Variants in CDX1 observed in about 807,000 individuals in gnomAD.
CDX1 encodes the protein homeobox protein CDX-1.
A neutral mutation model predicts 16.9 loss-of-function variants in CDX1; 9 were observed. The ratio of observed to expected loss-of-function variants is 0.53; its 90% CI spans 0.32 to 0.93. CDX1 has a LOEUF of 0.93. CDX1 is among the 40% of genes least tolerant of loss of function. The pLI, the probability that CDX1 is intolerant of heterozygous loss-of-function variation, is 0.04. For missense variants in CDX1, 393 were observed against 386.1 expected, an observed-to-expected ratio of 1.02 and a Z score of -0.15; for synonymous variants, 179 against 179.0, an observed-to-expected ratio of 1.00 and a Z score of 0.00.
Position 150,182,824 on chromosome 5 carries a change from G to C in CDX1, c.502G>C (p.Glu168Gln), listed in dbSNP as rs574805115. Residue 168 changes from glutamate (E) to glutamine (Q), a missense_variant, in exon 2 of 3, where the codon GAG (glutamate) becomes CAG (glutamine). By Grantham distance (29) the Glu-to-Gln change is conservative. Transcript: ENST00000231656. ...GGTCTACACCGACCACCAACGCCTG[G>C]AGCTGGAGAAGGAGTTTCATTACAG... ...RVVYTDHQRL[E>Q]LEKEFHYSRY... 3.7e-6 allele frequency: 6 copies of C among 1,613,350 alleles called. No individual in the cohort carries two copies. In the South Asian group the frequency reaches 5.5e-5, roughly 15 times the overall value.
chr5:150,171,934 G>A (rs1761512794), intron 1 of CDX1, among the ~76,000 whole-genome samples: 1 of 152,240 alleles, frequency 6.6e-6, no homozygotes, highest in African/African-American at 2.4e-5. Flanking sequence ...CCCTGCCGCT[G>A]GCACACAGTA....
At chr5:150,178,675 A>C (rs1370702058) in intron 1 of CDX1, among the ~76,000 whole-genome samples, 1 of 152,022 alleles carries the variant, frequency 6.6e-6, no homozygotes, top group African/African-American at 2.4e-5. Context: ...AGATTTAAAA[A>C]ACCCAAAGTC....
At chr5:150,170,946 G>A (rs889351047) in intron 1 of CDX1, among the ~76,000 whole-genome samples, 99 of 151,992 alleles carry the variant, frequency 6.5e-4, no homozygotes, top group African/African-American at 2.0e-3. Context: ...TCATCCTTCC[G>A]TGGAAGGCTC....
Position 150,167,299 on chromosome 5 carries a change from G to A in CDX1, c.423G>A (p.Ala141=), listed in dbSNP as rs765752415. The A allele has an allele frequency of 2.4e-6, 3 of 1,262,864 alleles. No homozygotes were observed. Among genetic ancestry groups the A allele is most frequent in the Non-Finnish European group, 3.0e-6 (3 of 1,009,592 alleles). 78.2% of individuals were successfully genotyped at this position (1,262,864 alleles called of 1,614,324 possible). ...ACGAGTGGATGCGGCGCAGCGTGGC[G>A]GCCGGAGGCGGCGGTGGCAGCGGTA... ...TPYEWMRRSV[A]AGGGGGSGKT... Residue 141 remains alanine, a synonymous_variant, in exon 1 of 3, where the codon GCG becomes GCA. Coordinates refer to ENST00000231656, the MANE Select transcript of CDX1 (RefSeq NM_001804.3).
intron 1 of CDX1, among the ~76,000 whole-genome samples, chr5:150,176,567 G>A (rs1190039455): frequency 6.6e-6 from 1 of 152,194 alleles, no homozygotes; most frequent in Non-Finnish European, 1.5e-5. Context: ...GTGGCAGGCA[G>A]CAAGGTGGCA....
Position 150,167,013 on chromosome 5 carries a change from C to CCAGCTACT in CDX1, c.139_146dup (p.His50AlafsTer152). 1 of 1,440,038 alleles carries CCAGCTACT rather than the reference C, an allele frequency of 6.9e-7. No individual in the cohort carries two copies. The highest frequency in any genetic ancestry group is 9.1e-7 in the Non-Finnish European group (1 of 1,101,450). The allele number at this position is 1,440,038 out of a possible 1,614,324, so 89.2% of individuals were successfully genotyped here. ...GCGCCCCCGCAGTACCCCGACTTCT[C>CCAGCTACT]CAGCTACTCTCACGTGGAGCCGGCC... On this transcript the variant is annotated frameshift_variant, in exon 1 of 3. Coordinates refer to ENST00000231656, the MANE Select transcript of CDX1 (RefSeq NM_001804.3). LOFTEE classifies it high-confidence loss of function.
At position 150,166,803 on chromosome 5, in the gene CDX1, C is replaced by T. The variant is rs1347233453; in HGVS notation, c.-74C>T. ...GGCAGGACAGCCGAGTTCAGGTGAG[C>T]GGTTGCTCGTCGTCGGGGCGGCCGG... On this transcript the variant is annotated 5_prime_UTR_variant, in exon 1 of 3. Transcript: ENST00000231656. 2 of 1,084,484 alleles carry T rather than the reference C, an allele frequency of 1.8e-6. No individual in the cohort carries two copies. Among genetic ancestry groups the T allele is most frequent in the Non-Finnish European group, 2.5e-6 (2 of 812,392 alleles). 67.2% of individuals were successfully genotyped at this position (1,084,484 alleles called of 1,614,324 possible).
Position 150,182,782 on chromosome 5 carries a change from A to G in CDX1, c.460A>G (p.Lys154Glu). 3 of 1,589,276 alleles carry G rather than the reference A, an allele frequency of 1.9e-6. No homozygotes were observed. Among genetic ancestry groups the G allele is most frequent in the Non-Finnish European group, 2.6e-6 (3 of 1,169,620 alleles). ...GGGGSGKTRT[K>E]DKYRVVYTDH... ...CTGCTTCTCAGGTAAGACTCGGACCAAGGACAAGTACCGCGTGGTCTACAC... is the reference window on the plus strand; with the variant it reads ...CTGCTTCTCAGGTAAGACTCGGACCGAGGACAAGTACCGCGTGGTCTACAC... The change falls in exon 2 of 3, where the codon AAG becomes GAG. Residue 154 changes from lysine (K) to glutamate (E), a missense_variant. Transcript: ENST00000231656.
intron 1 of CDX1, among the ~76,000 whole-genome samples, chr5:150,168,656 A>G (rs913843072): frequency 6.6e-6 from 1 of 152,244 alleles, no homozygotes; most frequent in Non-Finnish European, 1.5e-5. Flanking sequence ...GAGTTTAAGT[A>G]CTTGCCCAAG....
At chr5:150,180,868 G>C (rs1262193805) in intron 1 of CDX1, among the ~76,000 whole-genome samples, 3 of 152,080 alleles carry the variant, frequency 2.0e-5, no homozygotes, top group Non-Finnish European at 4.4e-5. Flanking sequence ...ACCTCAGCTG[G>C]TCCTCAAATC....
rs151148312 is a variant in CDX1, at chr5:150,183,637, C to T, written c.755C>T (p.Ala252Val). 6.2e-7 allele frequency: 1 copy of T among 1,607,428 alleles called. No individual in the cohort carries two copies. Among genetic ancestry groups the T allele is most frequent in the African/African-American group, 1.3e-5 (1 of 74,936 alleles). The stretch of plus-strand genomic sequence containing the variant: ...TGTCCCAGCAACACCAGCCTCCTGG[C>T]CACCTCCTCTCCAATGCCTGTGAAA... ...GLCPSNTSLLATSSPMPVKEE... is the reference protein window; with the variant it reads ...GLCPSNTSLLVTSSPMPVKEE... Residue 252 changes from alanine (A) to valine (V), a missense_variant, in exon 3 of 3, where the codon GCC (alanine) becomes GTC (valine). Ala to Val is a moderately conservative substitution (Grantham distance 64). Coordinates refer to ENST00000231656, the MANE Select transcript of CDX1 (RefSeq NM_001804.3).
chr5:150,177,569 C>T (rs1251202243), intron 1 of CDX1, among the ~76,000 whole-genome samples: 14 of 152,194 alleles, frequency 9.2e-5, no homozygotes, highest in Admixed American at 9.2e-4. Context: ...TTTTGAATCC[C>T]ACCTGCCTGA....
intron 1 of CDX1, among the ~76,000 whole-genome samples, chr5:150,181,283 C>T (rs1166590905): frequency 6.6e-6 from 1 of 152,082 alleles, no homozygotes; most frequent in Non-Finnish European, 1.5e-5. Context: ...GTTTATTTTT[C>T]TTGAGACGGA....
chr5:150,179,612 C>CT (rs2113953436), intron 1 of CDX1, among the ~76,000 whole-genome samples: 1 of 152,282 alleles, frequency 6.6e-6, no homozygotes, highest in East Asian at 1.9e-4. Flanking sequence ...TGCTAGGACT[C>CT]TAAGGAAAAA....
chr5:150,167,325 A>G lies in CDX1; in HGVS notation c.445+4A>G. On this transcript the variant is annotated splice_donor_region_variant and intron_variant, in intron 1 of 2. Transcript: ENST00000231656. ...GCCGGAGGCGGCGGTGGCAGCGGTA[A>G]GGACCCTTCCCTCGCCCTGCGCCTC... is the stretch of plus-strand genomic sequence containing the variant. The G allele has an allele frequency of 2.4e-6, 3 of 1,254,472 alleles. No individual in the cohort carries two copies. The highest frequency in any genetic ancestry group is 3.0e-6 in the Non-Finnish European group (3 of 1,003,674). The allele number at this position is 1,254,472 out of a possible 1,614,324, so 77.7% of individuals were successfully genotyped here.
At chr5:150,181,944 G>T (rs1752448036) in intron 1 of CDX1, among the ~76,000 whole-genome samples, 1 of 152,138 alleles carries the variant, frequency 6.6e-6, no homozygotes, top group Non-Finnish European at 1.5e-5. Flanking sequence ...GGCTTGGGCA[G>T]ACCAGCCTCC....
chr5:150,171,899 C>T (rs1209457571), intron 1 of CDX1, among the ~76,000 whole-genome samples: 1 of 152,238 alleles, frequency 6.6e-6, no homozygotes, highest in Non-Finnish European at 1.5e-5. Context: ...GATTGCATCT[C>T]AGAAGAGATG....
At chr5:150,183,153 T>G (rs537413232) in intron 2 of CDX1, among the ~76,000 whole-genome samples, 1 of 152,296 alleles carries the variant, frequency 6.6e-6, no homozygotes, top group South Asian at 2.1e-4. Context: ...AGCAGGCTAT[T>G]ATTAGTGCTG....
At chr5:150,178,961 C>G (rs1761607186) in intron 1 of CDX1, among the ~76,000 whole-genome samples, 1 of 152,082 alleles carries the variant, frequency 6.6e-6, no homozygotes, top group Non-Finnish European at 1.5e-5. Flanking sequence ...CATCCCTTCT[C>G]TCACCAGCTC....
Sources: gnomAD v4.1 joint callset for allele counts (sites outside exome capture counted in the v4.1 genomes callset) on GRCh38, gnomAD v4.1.1 for gene constraint, MANE v1.5 for transcripts, NCBI Gene and HGNC (gene_info 2026-07-23, HGNC 2026-07-21) for gene names.